The following GRIA3 variants were observed in gnomAD, a reference collection of about 807,000 sequenced individuals.
GRIA3 encodes glutamate ionotropic receptor AMPA type subunit 3.
GRIA3 carries 3 observed loss-of-function variants against 63.0 expected under a neutral mutation model. The observed-to-expected ratio is 0.05, with a 90% CI of 0.02 to 0.12. The LOEUF (loss-of-function observed/expected upper bound fraction) is 0.12. GRIA3 is among the 10% of genes least tolerant of loss of function. The probability of loss-of-function intolerance (pLI) is 1.00; values close to 1 mark genes in which losing one functional copy is unlikely to be tolerated. For missense variants in GRIA3, 347 were observed against 700.9 expected, an observed-to-expected ratio of 0.50 and a Z score of 5.70; for synonymous variants, 274 against 257.9, an observed-to-expected ratio of 1.06 and a Z score of -0.60.
intron 3 of GRIA3, among the ~76,000 whole-genome samples, chrX:123,274,546 C>T (rs187679246): frequency 3.7e-4 from 42 of 112,484 alleles, no homozygotes; most frequent in South Asian, 7.5e-4. Context: ...ATCACCAACC[C>T]CTCCTCCCAT....
chrX:123,482,828 T>C lies in GRIA3; in HGVS notation c.2469T>C (p.Asn823=). 1 of 1,210,026 alleles carries C rather than the reference T, an allele frequency of 8.3e-7. No individual in the cohort carries two copies. The highest frequency in any genetic ancestry group is 1.1e-6 in the Non-Finnish European group (1 of 893,713). The change falls in exon 15 of 16, where the codon AAT becomes AAC. Residue 823 remains asparagine, a synonymous_variant. Transcript: ENST00000620443. ...KDKTSALSLS[N]VAGVFYILVG... The stretch of plus-strand genomic sequence containing the variant: ...AGACCAGCGCTCTGAGCCTGAGCAA[T>C]GTGGCAGGCGTTTTCTATATACTTG...
At chrX:123,468,529 T>C (rs745444292) in intron 13 of GRIA3, among the ~76,000 whole-genome samples, 3 of 112,525 alleles carry the variant, frequency 2.7e-5, no homozygotes, top group Non-Finnish European at 5.6e-5. Flanking sequence ...TTATTAGATA[T>C]AATCATATTC....
At chrX:123,445,593 A>C (rs1201429284) in intron 12 of GRIA3, among the ~76,000 whole-genome samples, 4 of 112,425 alleles carry the variant, frequency 3.6e-5, no homozygotes, top group Non-Finnish European at 7.5e-5. Flanking sequence ...AGTTAAAAAT[A>C]TTTGTTATCT....
chrX:123,398,597 A>G (rs762429327), intron 6 of GRIA3, 39 bp from the exon 7 acceptor site: 2 of 1,129,545 alleles, frequency 1.8e-6, no homozygotes, highest in Admixed American at 4.4e-5. Flanking sequence ...TGAGGGTATC[A>G]TTTATCATGA....
At position 123,348,210 on chromosome X, in the gene GRIA3, T is replaced by C. The variant is rs762571906; in HGVS notation, c.697-6700T>C. 8.9e-5 allele frequency among the ~76,000 whole-genome samples: 10 copies of C among 112,086 alleles called. No individual in the cohort carries two copies. In the South Asian group the frequency reaches 3.0e-3, roughly 34 times the overall value. ...TCTATAGAGAACACAAAGATACAAT[T>C]TGATATTTAGAATAAGGGTGTCAAT... On this transcript the variant is annotated intron_variant, in intron 4 of 15. Transcript: ENST00000620443.
chrX:123,317,632 G>A (rs2044840557), intron 3 of GRIA3, among the ~76,000 whole-genome samples: 1 of 112,147 alleles, frequency 8.9e-6, no homozygotes, highest in Non-Finnish European at 1.9e-5. Context: ...AGGTCACACT[G>A]ATGCAAGAGG....
chrX:123,457,029 G>A (rs1434304646), intron 12 of GRIA3, among the ~76,000 whole-genome samples: 2 of 111,624 alleles, frequency 1.8e-5, no homozygotes, highest in African/African-American at 6.5e-5. Flanking sequence ...AAGAAAAAAT[G>A]GACCAAATTG....
chrX:123,260,132 T>C (rs1213557879), intron 3 of GRIA3, among the ~76,000 whole-genome samples: 4 of 108,166 alleles, frequency 3.7e-5, no homozygotes, highest in Non-Finnish European at 5.7e-5. Context: ...GTAACTGCTG[T>C]GATGCATACT....
chrX:123,395,705 T>G (rs979139753), intron 6 of GRIA3, among the ~76,000 whole-genome samples: 2 of 111,800 alleles, frequency 1.8e-5, no homozygotes, highest in African/African-American at 6.5e-5. Context: ...CAGAAAGTCA[T>G]GGTTAAAAAT....
intron 3 of GRIA3, among the ~76,000 whole-genome samples, chrX:123,324,980 T>C (rs2044891642): frequency 1.8e-5 from 2 of 112,290 alleles, no homozygotes; most frequent in African/African-American, 3.2e-5. Context: ...GCATGGATCA[T>C]TTTGGCTTTG....
chrX:123,351,629 T>C (rs930949683), intron 4 of GRIA3, among the ~76,000 whole-genome samples: 1 of 111,800 alleles, frequency 8.9e-6, no homozygotes, highest in Non-Finnish European at 1.9e-5. Flanking sequence ...CTTTCTCCTT[T>C]AAGTCAGTCT....
Position 123,486,958 on chromosome X carries a change from G to A in GRIA3, c.*3-1755G>A, listed in dbSNP as rs760540762. On this transcript the variant is annotated intron_variant, in intron 15 of 15. Transcript: ENST00000620443. ...CTAGTGAAATCTGGTTAATAAAAGGGCATCCTTGAAAGATGAGGGAGTCGT... is the reference window on the plus strand; with the variant it reads ...CTAGTGAAATCTGGTTAATAAAAGGACATCCTTGAAAGATGAGGGAGTCGT... Among the ~76,000 whole-genome samples, 6 of 112,564 alleles carry A rather than the reference G, an allele frequency of 5.3e-5. No homozygotes were observed. The South Asian group carries it at 2.2e-3, about 42-fold the overall frequency.
At position 123,482,861 on chromosome X, in the gene GRIA3, T is replaced by C. The variant is rs1556337781; in HGVS notation, c.2502T>C (p.Gly834=). Residue 834 remains glycine, a synonymous_variant, in exon 15 of 16, where the codon GGT becomes GGC. Transcript: ENST00000620443. ...GCGTTTTCTATATACTTGTCGGAGG[T>C]CTGGGGCTGGCCATGATGGTGGCTT... ...VAGVFYILVG[G]LGLAMMVALI... is the part of the protein sequence containing the mutation. 1 of 1,208,069 alleles carries C rather than the reference T, an allele frequency of 8.3e-7. No individual in the cohort carries two copies. Among genetic ancestry groups the C allele is most frequent in the Admixed American group, 2.2e-5 (1 of 45,682 alleles).
At chrX:123,289,427 A>AT (rs1556280790) in intron 3 of GRIA3, among the ~76,000 whole-genome samples, 40 of 101,619 alleles carry the variant, frequency 3.9e-4, no homozygotes, top group African/African-American at 1.3e-3. Context: ...ATTTAAAAAA[A>AT]ATATATATAT....
intron 6 of GRIA3, among the ~76,000 whole-genome samples, chrX:123,398,151 C>T (rs1460676760): frequency 8.9e-6 from 1 of 111,966 alleles, no homozygotes; most frequent in Non-Finnish European, 1.9e-5. Context: ...AAACATGGTC[C>T]AGACAGAAAT....
At chrX:123,480,264 C>A in intron 14 of GRIA3, 87 bp downstream of exon 14, 1 of 574,342 alleles carries the variant, frequency 1.7e-6, no homozygotes, top group East Asian at 3.5e-5. Flanking sequence ...CTTTCCTTCC[C>A]AACACACACT....
At chrX:123,466,433 T>C (rs990484840) in intron 13 of GRIA3, among the ~76,000 whole-genome samples, 4 of 112,024 alleles carry the variant, frequency 3.6e-5, no homozygotes, top group Admixed American at 1.9e-4. Context: ...GTGCGTCGCC[T>C]AACTGTGATA....
chrX:123,347,013 A>G (rs1320813586), intron 4 of GRIA3, among the ~76,000 whole-genome samples: 1 of 112,233 alleles, frequency 8.9e-6, no homozygotes. Flanking sequence ...TTGTGGTGTT[A>G]GTACTCTCAT....
chrX:123,233,926 CT>C (rs2044289037), intron 2 of GRIA3, among the ~76,000 whole-genome samples: 1 of 111,153 alleles, frequency 9.0e-6, no homozygotes, highest in Admixed American at 9.5e-5. Flanking sequence ...AAAAACTTAC[CT>C]TTTTTTCATG....
Sources: allele counts gnomAD v4.1 joint callset (sites outside exome capture counted in the v4.1 genomes callset), GRCh38; gene constraint gnomAD v4.1.1; transcripts MANE v1.5; gene names NCBI Gene and HGNC (gene_info 2026-07-23, HGNC 2026-07-21).